Variants in SVEP1 observed in about 807,000 individuals in gnomAD.
SVEP1 encodes sushi, von Willebrand factor type A, EGF and pentraxin domain-containing protein 1.
In SVEP1, 164 loss-of-function variants were observed where a neutral mutation model predicts 367.3. The ratio of observed to expected loss-of-function variants is 0.45; its 90% CI spans 0.39 to 0.51. The LOEUF is 0.51. SVEP1 is among the 20% of genes least tolerant of loss of function. SVEP1 has a pLI of 0.00. For missense variants in SVEP1, 4,117 were observed against 4,425.3 expected (o/e 0.93, Z 1.98); for synonymous variants, 1,666 against 1,611.6 (o/e 1.03, Z -0.81).
At chr9:110,390,233 AAG>A (rs1827621890) in intron 40 of SVEP1, among the ~76,000 whole-genome samples, 1 of 137,270 alleles carries the variant, frequency 7.3e-6, no homozygotes, top group Non-Finnish European at 1.6e-5. Context: ...ATACTTATAT[AAG>A]TATGTGTATA....
At chr9:110,513,410 TTAGA>T (rs1326940419) in intron 4 of SVEP1, among the ~76,000 whole-genome samples, 4 of 152,156 alleles carry the variant, frequency 2.6e-5, no homozygotes, top group African/African-American at 9.7e-5. Context: ...TTATATGTCA[TTAGA>T]TATTTTCCCT....
chr9:110,574,769 G>GAA (rs71302628), intron 1 of SVEP1, among the ~76,000 whole-genome samples: 1,230 of 114,078 alleles, frequency 0.011, 25 homozygotes, highest in African/African-American at 0.04. Flanking sequence ...TTTTTTTTGA[G>GAA]GAGTCTCACT....
chr9:110,447,002 A>G lies in SVEP1; in HGVS notation c.4159T>C (p.Cys1387Arg). 6.5e-7 allele frequency: 1 copy of G among 1,544,468 alleles called. No homozygotes were observed. The highest frequency in any genetic ancestry group is 8.7e-7 in the Non-Finnish European group (1 of 1,144,676). ...GSHCELNINECQSNPCRNQAT... is the reference protein window; with the variant it reads ...GSHCELNINERQSNPCRNQAT... ...TGATTTCTACATGGATTAGACTGAC[A>G]TTCATTGATGTTCAATTCACAGTGT... Residue 1387 changes from cysteine (C) to arginine (R), a missense_variant, in exon 25 of 48, where the codon TGT (cysteine) becomes CGT (arginine). Transcript: ENST00000374469.
intron 39 of SVEP1, among the ~76,000 whole-genome samples, chr9:110,402,068 CT>C (rs1168708137): frequency 6.6e-6 from 1 of 151,894 alleles, no homozygotes; most frequent in East Asian, 1.9e-4. Context: ...AGAAATCTTT[CT>C]GGGTATTATA....
rs570217435 is a variant in SVEP1, at chr9:110,498,941, G to C, written c.1681+100C>G. 1.1e-4 allele frequency: 110 copies of C among 1,024,500 alleles called. 1 individual carries two copies. In the South Asian group the frequency reaches 2.4e-3, roughly 23 times the overall value. 63.5% of individuals were successfully genotyped at this position (1,024,500 alleles called of 1,614,324 possible). On this transcript the variant is annotated intron_variant, in intron 7 of 47. Transcript: ENST00000374469. ...GGGTAGCACCTAACCATATTATCATGGGTTTGCAGCAAAAGTTGCAAAGAA... is the reference window on the plus strand; with the variant it reads ...GGGTAGCACCTAACCATATTATCATCGGTTTGCAGCAAAAGTTGCAAAGAA...
At chr9:110,548,486 T>C (rs1425973216) in intron 2 of SVEP1, among the ~76,000 whole-genome samples, 1 of 152,170 alleles carries the variant, frequency 6.6e-6, no homozygotes, top group African/African-American at 2.4e-5. Flanking sequence ...GTAGGTACTA[T>C]TCTCATTTCC....
intron 33 of SVEP1, 71 bp downstream of exon 33, chr9:110,430,203 C>A: frequency 6.8e-7 from 1 of 1,471,440 alleles, no homozygotes; most frequent in South Asian, 1.3e-5. Flanking sequence ...CAACATAACA[C>A]TTCATATGTC....
chr9:110,449,565 C>T (rs1050944682), intron 24 of SVEP1, among the ~76,000 whole-genome samples: 3 of 152,154 alleles, frequency 2.0e-5, no homozygotes, highest in African/African-American at 7.2e-5. Flanking sequence ...CACCTGTAAT[C>T]CCAGCTACTT....
intron 8 of SVEP1, among the ~76,000 whole-genome samples, chr9:110,495,756 A>T (rs1215720491): frequency 6.6e-6 from 1 of 152,134 alleles, no homozygotes; most frequent in African/African-American, 2.4e-5. Context: ...TTCCTAAATG[A>T]ACTATTTTTC....
chr9:110,487,934 G>C (rs1829308347), intron 9 of SVEP1, among the ~76,000 whole-genome samples: 1 of 152,188 alleles, frequency 6.6e-6, no homozygotes, highest in Non-Finnish European at 1.5e-5. Context: ...ACTACAGATT[G>C]CTATGTAGCC....
At chr9:110,367,167 A>G (rs886125880) in intron 47 of SVEP1, among the ~76,000 whole-genome samples, 1 of 152,108 alleles carries the variant, frequency 6.6e-6, no homozygotes, top group Admixed American at 6.5e-5. Flanking sequence ...CTAGGCATAT[A>G]TATATATTTT....
intron 18 of SVEP1, among the ~76,000 whole-genome samples, chr9:110,460,142 T>C (rs1828835225): frequency 1.3e-5 from 2 of 152,162 alleles, no homozygotes; most frequent in African/African-American, 2.4e-5. Flanking sequence ...TTCTAAGTAA[T>C]ATGAATTGTA....
At chr9:110,573,227 G>A (rs1830586772) in intron 1 of SVEP1, among the ~76,000 whole-genome samples, 1 of 151,814 alleles carries the variant, frequency 6.6e-6, no homozygotes, top group Non-Finnish European at 1.5e-5. Context: ...CAGCACTGGG[G>A]CCATCAGAGA....
chr9:110,461,201 T>C (rs553638450), intron 18 of SVEP1, among the ~76,000 whole-genome samples: 2 of 152,178 alleles, frequency 1.3e-5, no homozygotes, highest in East Asian at 1.9e-4. Context: ...TTTTCCTCCA[T>C]GATGTTTTGT....
rs752729409 is a variant in SVEP1, at chr9:110,407,355, G to C, written c.8245C>G (p.Leu2749Val). The C allele has an allele frequency of 2.5e-6, 4 of 1,613,970 alleles. No individual in the cohort carries two copies. Among genetic ancestry groups the C allele is most frequent in the Non-Finnish European group, 2.5e-6 (3 of 1,179,884 alleles). The stretch of plus-strand genomic sequence containing the variant: ...CAAAGCCTTAAGTCAGAGCCTGCTA[G>C]AATGTGTCCAGGTTTACAGCTATAC... Reference protein sequence around the residue: ...VQYSCKPGHILAGSDLRLCLE... With the variant: ...VQYSCKPGHIVAGSDLRLCLE... Residue 2749 changes from leucine to valine, a missense_variant, in exon 38 of 48, where the codon CTA becomes GTA. Coordinates refer to ENST00000374469, the MANE Select transcript of SVEP1 (RefSeq NM_153366.4).
At chr9:110,514,268 T>C in intron 3 of SVEP1, 162 bp from the exon 4 acceptor site, 1 of 893,762 alleles carries the variant, frequency 1.1e-6, no homozygotes. Flanking sequence ...TCCCTGTACT[T>C]TGGGAAGCAG....
At chr9:110,396,040 C>T (rs1827752562) in intron 40 of SVEP1, among the ~76,000 whole-genome samples, 1 of 152,232 alleles carries the variant, frequency 6.6e-6, no homozygotes, top group South Asian at 2.1e-4. Context: ...CCCAAATCAA[C>T]AGAATATACA....
At chr9:110,403,129 CT>C (rs1827888481) in intron 39 of SVEP1, among the ~76,000 whole-genome samples, 2 of 151,958 alleles carry the variant, frequency 1.3e-5, no homozygotes, top group Non-Finnish European at 2.9e-5. Context: ...CTGCTATACT[CT>C]GCCACATTCC....
At chr9:110,510,121 C>T (rs1829685050) in intron 5 of SVEP1, among the ~76,000 whole-genome samples, 1 of 152,334 alleles carries the variant, frequency 6.6e-6, no homozygotes, top group Non-Finnish European at 1.5e-5. Flanking sequence ...CACGTCCTCA[C>T]TGCTGATCCC....
Sources: gnomAD v4.1 joint callset for allele counts (sites outside exome capture counted in the v4.1 genomes callset) on GRCh38, gnomAD v4.1.1 for gene constraint, MANE v1.5 for transcripts, NCBI Gene and HGNC (gene_info 2026-07-23, HGNC 2026-07-21) for gene names.